AGBL4: variants seen among roughly 807,000 people sequenced by gnomAD.
AGBL4 encodes AGBL carboxypeptidase 4.
In AGBL4, 58 loss-of-function variants were observed where a neutral mutation model predicts 66.4. The ratio of observed to expected loss-of-function variants is 0.87; its 90% CI spans 0.71 to 1.09. The LOEUF (loss-of-function observed/expected upper bound fraction) is 1.09. AGBL4 is among the 50% of genes least tolerant of loss of function. AGBL4 has a pLI of 0.00. For missense variants in AGBL4, 579 were observed against 631.0 expected, an observed-to-expected ratio of 0.92 and a Z score of 0.88; for synonymous variants, 234 against 222.9, an observed-to-expected ratio of 1.05 and a Z score of -0.44.
rs144066462 is a variant in AGBL4, at chr1:49,708,617, T to G, written c.158-11180A>C. On this transcript the variant is annotated intron_variant, in intron 2 of 13. Coordinates refer to ENST00000371839, the MANE Select transcript of AGBL4 (RefSeq NM_032785.4). The stretch of plus-strand genomic sequence containing the variant: ...CTTGCTGGCGAGGAGTTGTGATCCT[T>G]TGGAGGAGAGGAGACATTCAGTTTT... Among the ~76,000 whole-genome samples, 229 of 152,264 alleles carry G rather than the reference T, an allele frequency of 1.5e-3. 1 individual carries two copies. Among genetic ancestry groups the G allele is most frequent in the Non-Finnish European group, 1.7e-3 (118 of 68,008 alleles).
At chr1:49,352,090 C>CA (rs1194942012) in intron 3 of AGBL4, among the ~76,000 whole-genome samples, 4 of 152,246 alleles carry the variant, frequency 2.6e-5, no homozygotes, top group African/African-American at 9.6e-5. Context: ...CATCCACTGA[C>CA]AAACCTTTAA....
At chr1:49,772,869 G>A (rs1050240065) in intron 2 of AGBL4, among the ~76,000 whole-genome samples, 1 of 152,146 alleles carries the variant, frequency 6.6e-6, no homozygotes, top group African/African-American at 2.4e-5. Flanking sequence ...TCCTGTATCT[G>A]AATGTCCATA....
rs1376569994 is a variant in AGBL4 at position 49,283,421 on chromosome 1, A to C, written c.283-37557T>G. ...GTAGATAAAACTGCAAAGATGGGGAAAAAACAGAACAGAAAAACGAAACTC... is the reference window on the plus strand; with the variant it reads ...GTAGATAAAACTGCAAAGATGGGGACAAAACAGAACAGAAAAACGAAACTC... On this transcript the variant is annotated intron_variant, in intron 3 of 13. Transcript: ENST00000371839. Among the ~76,000 whole-genome samples the C allele has an allele frequency of 2.0e-5, 3 of 152,238 alleles. No individual in the cohort carries two copies. The East Asian group carries it at 5.8e-4, about 29-fold the overall frequency.
At chr1:48,678,277 G>C (rs1646399674) in intron 6 of AGBL4, among the ~76,000 whole-genome samples, 1 of 151,260 alleles carries the variant, frequency 6.6e-6, no homozygotes, top group Non-Finnish European at 1.5e-5. Context: ...CAGTTGCCTT[G>C]TGGATGTCAC....
At chr1:49,854,843 T>C (rs1646395102) in intron 1 of AGBL4, among the ~76,000 whole-genome samples, 1 of 152,156 alleles carries the variant, frequency 6.6e-6, no homozygotes, top group African/African-American at 2.4e-5. Context: ...GAAAACCATC[T>C]TCCCTGGGAC....
intron 6 of AGBL4, among the ~76,000 whole-genome samples, chr1:48,715,221 C>G (rs148655491): frequency 1.4e-4 from 22 of 152,032 alleles, no homozygotes; most frequent in African/African-American, 5.1e-4. Flanking sequence ...AATGCCACCC[C>G]ATACCCCTCC....
At chr1:48,812,319 C>T (rs547241557) in intron 6 of AGBL4, among the ~76,000 whole-genome samples, 20 of 152,036 alleles carry the variant, frequency 1.3e-4, no homozygotes, top group Non-Finnish European at 2.9e-4. Context: ...GGTGAATAGT[C>T]ATTTTGGGGC....
chr1:48,964,903 G>A (rs148402170), intron 5 of AGBL4, among the ~76,000 whole-genome samples: 111 of 152,132 alleles, frequency 7.3e-4, no homozygotes, highest in African/African-American at 2.4e-3. Flanking sequence ...TGCTCAGAGA[G>A]GATGAAAAAA....
intron 4 of AGBL4, among the ~76,000 whole-genome samples, chr1:49,074,765 G>C (rs1398440290): frequency 2.0e-5 from 3 of 152,162 alleles, no homozygotes; most frequent in Non-Finnish European, 4.4e-5. Context: ...ATAGAGAAGG[G>C]AGATTGAGCT....
At chr1:48,764,480 T>C (rs1490967014) in intron 6 of AGBL4, among the ~76,000 whole-genome samples, 1 of 151,714 alleles carries the variant, frequency 6.6e-6, no homozygotes, top group Non-Finnish European at 1.5e-5. Context: ...AGAAGCCAAA[T>C]GGGGAAGGGG....
At chr1:49,013,077 C>G (rs996747936) in intron 5 of AGBL4, among the ~76,000 whole-genome samples, 3 of 152,136 alleles carry the variant, frequency 2.0e-5, no homozygotes, top group African/African-American at 7.2e-5. Flanking sequence ...GTGCCATGCC[C>G]CTGGGCTTCC....
intron 6 of AGBL4, among the ~76,000 whole-genome samples, chr1:48,768,583 T>C (rs2148683164): frequency 6.6e-6 from 1 of 152,278 alleles, no homozygotes; most frequent in East Asian, 1.9e-4. Flanking sequence ...TATTCAAAAG[T>C]GAATTTACCC....
At chr1:48,579,930 A>AAG (rs1166233964) in intron 11 of AGBL4, among the ~76,000 whole-genome samples, 1 of 150,418 alleles carries the variant, frequency 6.6e-6, no homozygotes, top group African/African-American at 2.5e-5. Flanking sequence ...AAAAAAAAAA[A>AAG]AAAAAAAGAA....
At chr1:48,905,155 T>G (rs1570967259) in intron 5 of AGBL4, among the ~76,000 whole-genome samples, 1 of 152,336 alleles carries the variant, frequency 6.6e-6, no homozygotes, top group East Asian at 1.9e-4. Flanking sequence ...ACTCATTGGA[T>G]GCAAAGCCCT....
intron 4 of AGBL4, among the ~76,000 whole-genome samples, chr1:49,236,177 C>T (rs768854456): frequency 1.3e-5 from 2 of 151,916 alleles, no homozygotes; most frequent in Admixed American, 6.6e-5. Context: ...TTATAGGTGC[C>T]CACCACCATG....
At chr1:49,045,040 C>T (rs1644043163) in intron 5 of AGBL4, among the ~76,000 whole-genome samples, 1 of 152,126 alleles carries the variant, frequency 6.6e-6, no homozygotes, top group South Asian at 2.1e-4. Context: ...AATCTCTAGA[C>T]CCAGGAAACT....
At chr1:49,540,514 C>G (rs1418998409) in intron 3 of AGBL4, among the ~76,000 whole-genome samples, 1 of 152,176 alleles carries the variant, frequency 6.6e-6, no homozygotes, top group Non-Finnish European at 1.5e-5. Context: ...TTATTCATCT[C>G]TAAATCCCAG....
At chr1:49,875,482 GA>G (rs1457835387) in intron 1 of AGBL4, among the ~76,000 whole-genome samples, 24 of 144,620 alleles carry the variant, frequency 1.7e-4, no homozygotes, top group African/African-American at 6.2e-4. Flanking sequence ...CAAAGGACAT[GA>G]ACTCATCATT....
intron 1 of AGBL4, among the ~76,000 whole-genome samples, chr1:49,981,550 A>G (rs1659058053): frequency 6.6e-6 from 1 of 151,940 alleles, no homozygotes; most frequent in Non-Finnish European, 1.5e-5. Flanking sequence ...CTATATATGT[A>G]TATAAATATA....
Sources: gnomAD v4.1 joint callset for allele counts (sites outside exome capture counted in the v4.1 genomes callset) on GRCh38, gnomAD v4.1.1 for gene constraint, MANE v1.5 for transcripts, NCBI Gene and HGNC (gene_info 2026-07-23, HGNC 2026-07-21) for gene names.